Variants in PBX1 observed in about 807,000 individuals in gnomAD.
The protein encoded by PBX1 is PBX homeobox 1, also known as pre-B-cell leukemia transcription factor 1.
PBX1 carries 6 observed loss-of-function variants against 53.4 expected under a neutral mutation model. The observed-to-expected ratio is 0.11, with a 90% CI of 0.06 to 0.22. The LOEUF (loss-of-function observed/expected upper bound fraction) is 0.22, where lower values mean the gene tolerates loss of function less well. Ranked by LOEUF, PBX1 falls within the 10% of genes least tolerant of loss-of-function variation. The probability of loss-of-function intolerance (pLI) is 1.00; values close to 1 mark genes in which losing one functional copy is unlikely to be tolerated. For missense variants in PBX1, 251 were observed against 551.4 expected (o/e 0.46, Z 5.46); for synonymous variants, 204 against 212.3 (o/e 0.96, Z 0.34).
intron 2 of PBX1, chr1:164,680,507 G>A (rs1329783149): frequency 3.3e-5 from 5 of 152,138 alleles, no homozygotes; most frequent in African/African-American, 1.2e-4. Flanking sequence ...CTTATGCAGT[G>A]GATCTACCAC....
intron 6 of PBX1, 84 bp from the exon 7 acceptor site, chr1:164,819,988 T>C: frequency 1.3e-6 from 1 of 771,508 alleles, no homozygotes; most frequent in Admixed American, 2.2e-5. Context: ...TTGCTTTGCA[T>C]GTCATTCTTC....
chr1:164,688,353 C>T (rs1424321775), intron 2 of PBX1, among the ~76,000 whole-genome samples: 1 of 152,156 alleles, frequency 6.6e-6, no homozygotes, highest in Non-Finnish European at 1.5e-5. Flanking sequence ...AGATCAATTA[C>T]AACTTGAAGG....
rs567270479 is a variant in PBX1, at chr1:164,634,553, C to T, written c.265+71242C>T. 1.4e-4 allele frequency among the ~76,000 whole-genome samples: 21 copies of T among 152,232 alleles called. No individual in the cohort carries two copies. In the East Asian group the frequency reaches 2.7e-3, roughly 20 times the overall value. ...AAATCAGTTTCTTCTTTAGTCCCTC[C>T]CACAATGCTCTTTGGGTTTCGTTTC... On this transcript the variant is annotated intron_variant, in intron 2 of 8. Coordinates refer to ENST00000420696, the MANE Select transcript of PBX1 (RefSeq NM_002585.4).
intron 2 of PBX1, among the ~76,000 whole-genome samples, chr1:164,687,278 T>A (rs1353542941): frequency 6.6e-6 from 1 of 152,056 alleles, no homozygotes; most frequent in African/African-American, 2.4e-5. Flanking sequence ...TCTAAGTATT[T>A]CAGGCCAGAC....
chr1:164,695,985 T>C (rs935937364), intron 2 of PBX1, among the ~76,000 whole-genome samples: 2 of 152,170 alleles, frequency 1.3e-5, no homozygotes, highest in Non-Finnish European at 2.9e-5. Context: ...GATTGGAAAA[T>C]ACAGGAAGTA....
chr1:164,625,809 TAAAAAAA>T, intron 2 of PBX1: 2 of 287,934 alleles, frequency 6.9e-6, no homozygotes, highest in Non-Finnish European at 1.0e-5. Flanking sequence ...TGATGGGATT[TAAAAAAA>T]AAAAAAAAGA....
intron 2 of PBX1, among the ~76,000 whole-genome samples, chr1:164,778,931 G>T (rs1047844715): frequency 6.6e-6 from 1 of 152,040 alleles, no homozygotes; most frequent in African/African-American, 2.4e-5. Flanking sequence ...GCAGAACTAA[G>T]TATGTGCCCT....
chr1:164,683,293 T>C (rs1487795985), intron 2 of PBX1: 2 of 152,174 alleles, frequency 1.3e-5, no homozygotes, highest in Admixed American at 1.3e-4. Context: ...AACCCAAAAT[T>C]GCAAGGAATT....
chr1:164,878,300 A>C (rs929898525), intron 2 of PBX1, among the ~76,000 whole-genome samples: 2 of 152,332 alleles, frequency 1.3e-5, no homozygotes, highest in Admixed American at 6.5e-5. Context: ...GCCTCTATTC[A>C]TGGTAAGCAT....
chr1:164,761,935 T>C (rs1666837177), intron 2 of PBX1, among the ~76,000 whole-genome samples: 1 of 152,138 alleles, frequency 6.6e-6, no homozygotes, highest in Non-Finnish European at 1.5e-5. Context: ...CTACCAGTAA[T>C]GTCAAAGAAG....
At chr1:164,721,650 A>G (rs999649306) in intron 2 of PBX1, among the ~76,000 whole-genome samples, 1 of 152,122 alleles carries the variant, frequency 6.6e-6, no homozygotes, top group Non-Finnish European at 1.5e-5. Flanking sequence ...GAGTTACCAG[A>G]AGGTTCACCC....
chr1:164,722,644 G>C (rs1230021028), intron 2 of PBX1, among the ~76,000 whole-genome samples: 1 of 152,072 alleles, frequency 6.6e-6, no homozygotes, highest in Non-Finnish European at 1.5e-5. Context: ...CTCTTCCACT[G>C]ACCATCAAGA....
intron 2 of PBX1, among the ~76,000 whole-genome samples, chr1:164,678,502 CCTT>C (rs1266620867): frequency 6.6e-6 from 1 of 152,178 alleles, no homozygotes; most frequent in Non-Finnish European, 1.5e-5. Flanking sequence ...GAGCCATTGG[CCTT>C]CTTCACGTGA....
At chr1:164,706,122 A>G (rs1408118913) in intron 2 of PBX1, among the ~76,000 whole-genome samples, 1 of 152,190 alleles carries the variant, frequency 6.6e-6, no homozygotes, top group Non-Finnish European at 1.5e-5. Flanking sequence ...TCTGTTATTC[A>G]GTGGAACTAC....
At chr1:164,635,746 A>G (rs1394268932) in intron 2 of PBX1, among the ~76,000 whole-genome samples, 2 of 152,246 alleles carry the variant, frequency 1.3e-5, no homozygotes, top group African/African-American at 2.4e-5. Flanking sequence ...ATATTGCAAC[A>G]TAACAGATTT....
chr1:164,867,180 A>T (rs1672238197), intron 2 of PBX1, among the ~76,000 whole-genome samples: 1 of 152,168 alleles, frequency 6.6e-6, no homozygotes, highest in Non-Finnish European at 1.5e-5. Context: ...CAAGTTATTC[A>T]AACCTCTCTG....
intron 2 of PBX1, among the ~76,000 whole-genome samples, chr1:164,708,714 T>G (rs879832793): frequency 1.3e-5 from 2 of 152,226 alleles, no homozygotes; most frequent in Non-Finnish European, 2.9e-5. Flanking sequence ...TCCATCAACA[T>G]ATACAATCTT....
At chr1:164,800,231 A>G (rs755189052) in intron 4 of PBX1, among the ~76,000 whole-genome samples, 5 of 152,208 alleles carry the variant, frequency 3.3e-5, no homozygotes, top group Admixed American at 6.5e-5. Flanking sequence ...CTAGCATTCT[A>G]TCACGACAGG....
chr1:164,837,803 T>C (rs1017090801), intron 8 of PBX1, among the ~76,000 whole-genome samples: 4 of 152,240 alleles, frequency 2.6e-5, no homozygotes, highest in African/African-American at 9.6e-5. Context: ...GAACACGTTA[T>C]GTGTAACTGT....
Sources: allele counts gnomAD v4.1 joint callset (sites outside exome capture counted in the v4.1 genomes callset), GRCh38; gene constraint gnomAD v4.1.1; transcripts MANE v1.5; gene names NCBI Gene and HGNC (gene_info 2026-07-23, HGNC 2026-07-21).